The following TOP2B variants were observed in gnomAD, a reference collection of about 807,000 sequenced individuals.
TOP2B encodes DNA topoisomerase II beta.
Under a neutral mutation model 193.5 loss-of-function variants are expected in TOP2B, and 51 were observed. The observed-to-expected ratio is 0.26, with a 90% CI of 0.21 to 0.33. The LOEUF is 0.33. Among genes scored for constraint, TOP2B ranks in the 10% least tolerant of loss-of-function variants. The pLI, the probability that TOP2B is intolerant of heterozygous loss-of-function variation, is 1.00. For synonymous variants in TOP2B, 634 were observed against 635.7 expected, an observed-to-expected ratio of 1.00 and a Z score of 0.04; for missense variants, 1,378 against 1,909.3, an observed-to-expected ratio of 0.72 and a Z score of 5.19.
chr3:25,650,861 T>C (rs1004733120), intron 1 of TOP2B, among the ~76,000 whole-genome samples: 2 of 152,230 alleles, frequency 1.3e-5, no homozygotes, highest in Non-Finnish European at 2.9e-5. Flanking sequence ...TGTAAATCAA[T>C]GATTTCACCA....
Position 25,618,412 on chromosome 3 carries a change from G to T in TOP2B, c.3351+6C>A. 6.2e-7 allele frequency: 1 copy of T among 1,603,324 alleles called. No homozygotes were observed. Among genetic ancestry groups the T allele is most frequent in the South Asian group, 1.1e-5 (1 of 90,558 alleles). On this transcript the variant is annotated splice_donor_region_variant and intron_variant, in intron 25 of 35. Transcript: ENST00000264331. The stretch of plus-strand genomic sequence containing the variant: ...TCTCTGAATGTCTTTTTCTGCAAAT[G>T]ATTACCTTTTCTTGTGCTTCTTTCC...
intron 6 of TOP2B, 58 bp downstream of exon 6, chr3:25,637,157 C>G: frequency 7.4e-7 from 1 of 1,346,682 alleles, no homozygotes; most frequent in Non-Finnish European, 1.0e-6. Flanking sequence ...GTTCTACTAT[C>G]TCGGCAAGAT....
chr3:25,634,792 A>AAAC (rs1553642263), intron 7 of TOP2B, among the ~76,000 whole-genome samples: 1 of 78,770 alleles, frequency 1.3e-5, no homozygotes. Context: ...AAAAAAAAAA[A>AAAC]AAAAACCAAA....
Position 25,598,257 on chromosome 3 carries a change from A to AAAGGACAACACAAGATATTTGTT in TOP2B, c.*27_*49dup, listed in dbSNP as rs1701973075. The AAAGGACAACACAAGATATTTGTT allele has an allele frequency of 6.5e-7, 1 of 1,534,772 alleles. No homozygotes were observed. The highest frequency in any genetic ancestry group is 1.9e-5 in the Admixed American group (1 of 52,088). Reference sequence around the variant, plus strand: ...ACAAAAGTCTGAGACAGAGAAGACAAAAGGACAACACAAGATATTTGTTGA... The same window carrying AAAGGACAACACAAGATATTTGTT: ...ACAAAAGTCTGAGACAGAGAAGACAAAAGGACAACACAAGATATTTGTTAAGGACAACACAAGATATTTGTTGA... On this transcript the variant is annotated 3_prime_UTR_variant, in exon 36 of 36. Transcript: ENST00000264331.
intron 1 of TOP2B, among the ~76,000 whole-genome samples, chr3:25,647,156 T>G (rs939070092): frequency 3.9e-5 from 6 of 152,218 alleles, no homozygotes; most frequent in Admixed American, 2.6e-4. Flanking sequence ...CCAGATAGTC[T>G]TCAAATTTCT....
intron 35 of TOP2B, among the ~76,000 whole-genome samples, chr3:25,599,159 G>C (rs768864726): frequency 1.3e-5 from 2 of 152,108 alleles, no homozygotes; most frequent in Non-Finnish European, 2.9e-5. Context: ...ATTTTAGTCT[G>C]AAAGAGTCTA....
chr3:25,598,400 A>AGAAG lies in TOP2B; in HGVS notation c.4784_4787dup (p.Leu1597PhefsTer9). 6.2e-7 allele frequency: 1 copy of AGAAG among 1,613,704 alleles called. No homozygotes were observed. Among genetic ancestry groups the AGAAG allele is most frequent in the Non-Finnish European group, 8.5e-7 (1 of 1,179,684 alleles). On this transcript the variant is annotated frameshift_variant, in exon 36 of 36. Transcript: ENST00000264331. LOFTEE classifies it high-confidence loss of function. ...TCCTAGCCCGACCGGTTCGTGGCAGAGAAGGTGGCTCAGTAGGGAAGTCTG... is the reference window on the plus strand; with the variant it reads ...TCCTAGCCCGACCGGTTCGTGGCAGAGAAGGAAGGTGGCTCAGTAGGGAAGTCTG...
intron 1 of TOP2B, among the ~76,000 whole-genome samples, chr3:25,663,197 T>C (rs1022364907): frequency 6.6e-6 from 1 of 152,240 alleles, no homozygotes; most frequent in Non-Finnish European, 1.5e-5. Flanking sequence ...GTTGTCAATA[T>C]AGCACAAATT....
At chr3:25,644,436 C>G (rs1703353797) in intron 2 of TOP2B, among the ~76,000 whole-genome samples, 1 of 151,982 alleles carries the variant, frequency 6.6e-6, no homozygotes, top group Non-Finnish European at 1.5e-5. Flanking sequence ...CGCAGTGGCT[C>G]ACGCCTGTAA....
intron 6 of TOP2B, 65 bp from the exon 7 acceptor site, chr3:25,636,213 C>T: frequency 4.1e-6 from 4 of 985,980 alleles, no homozygotes; most frequent in Non-Finnish European, 4.4e-6. Context: ...ATAAAGACTA[C>T]ACTCATTAAA....
At chr3:25,608,892 A>G (rs1483797962) in intron 30 of TOP2B, among the ~76,000 whole-genome samples, 2 of 152,188 alleles carry the variant, frequency 1.3e-5, no homozygotes, top group Admixed American at 6.5e-5. Flanking sequence ...TAATAGATCT[A>G]TCATTGCTGG....
Position 25,624,317 on chromosome 3 carries a change from A to G in TOP2B, c.2475T>C (p.Arg825=), listed in dbSNP as rs898122638. 5 of 1,613,814 alleles carry G rather than the reference A, an allele frequency of 3.1e-6. No homozygotes were observed. In the African/African-American group the frequency reaches 6.7e-5, roughly 22 times the overall value. The part of the protein sequence containing the change: ...LHGGKDAASP[R]YIFTMLSTLA... ...TTTACCTTAACATTGTGAAAATATA[A>G]CGAGGGCTTGCAGCATCTTTGCCAC... Residue 825 remains arginine, a synonymous_variant, in exon 20 of 36, where the codon CGT becomes CGC. Transcript: ENST00000264331.
intron 33 of TOP2B, among the ~76,000 whole-genome samples, chr3:25,603,682 T>C (rs111392926): frequency 3.9e-5 from 6 of 152,234 alleles, no homozygotes; most frequent in African/African-American, 1.4e-4. Flanking sequence ...GAGACAAAAA[T>C]GAGACAATGA....
intron 1 of TOP2B, among the ~76,000 whole-genome samples, chr3:25,651,420 T>A (rs1292117469): frequency 7.3e-6 from 1 of 136,970 alleles, no homozygotes. Context: ...CAAAGAGAAA[T>A]TAGAAGAAAA....
intron 18 of TOP2B, among the ~76,000 whole-genome samples, chr3:25,625,570 G>T (rs114048561): frequency 0.013 from 2,027 of 151,990 alleles, 14 homozygotes; most frequent in Non-Finnish European, 0.021. Context: ...TTGTTTTTTG[G>T]TTTTTTTGCA....
At position 25,627,626 on chromosome 3, in the gene TOP2B, G is replaced by A. The variant is rs547172417; in HGVS notation, c.1907-330C>T. On this transcript the variant is annotated intron_variant, in intron 15 of 35. Transcript: ENST00000264331. The stretch of plus-strand genomic sequence containing the variant: ...AGAGGAATATAATTAACAAAATCCA[G>A]AATGTGGAATATTACACAGAACAAA... Among the ~76,000 whole-genome samples the A allele has an allele frequency of 2.0e-5, 3 of 152,130 alleles. No homozygotes were observed. The East Asian group carries it at 5.8e-4, about 29-fold the overall frequency.
chr3:25,629,675 T>C (rs1702903146), intron 13 of TOP2B, among the ~76,000 whole-genome samples: 1 of 152,172 alleles, frequency 6.6e-6, no homozygotes, highest in South Asian at 2.1e-4. Flanking sequence ...TACCATCATT[T>C]TACTATTTAA....
chr3:25,610,217 A>G (rs1176970809), intron 28 of TOP2B, among the ~76,000 whole-genome samples: 1 of 152,174 alleles, frequency 6.6e-6, no homozygotes, highest in Non-Finnish European at 1.5e-5. Context: ...TATTGAAGGA[A>G]AATAAGTAAC....
chr3:25,604,541 G>A (rs572120297), intron 33 of TOP2B, among the ~76,000 whole-genome samples: 6 of 152,062 alleles, frequency 3.9e-5, no homozygotes, highest in Admixed American at 2.0e-4. Flanking sequence ...AGTAATGCAC[G>A]GGATTATTTT....
Sources: gnomAD v4.1 joint callset for allele counts (sites outside exome capture counted in the v4.1 genomes callset) on GRCh38, gnomAD v4.1.1 for gene constraint, MANE v1.5 for transcripts, NCBI Gene and HGNC (gene_info 2026-07-23, HGNC 2026-07-21) for gene names.